LMBR1: variants seen among roughly 807,000 people sequenced by gnomAD.
LMBR1 encodes limb region 1 protein homolog.
A neutral mutation model predicts 73.9 loss-of-function variants in LMBR1; 52 were observed. The ratio of observed to expected loss-of-function variants is 0.70; its 90% CI spans 0.56 to 0.89. The LOEUF is 0.89. Ranked by LOEUF, LMBR1 falls within the 40% of genes least tolerant of loss-of-function variation. The probability of loss-of-function intolerance (pLI) is 0.00; values close to 1 mark genes in which losing one functional copy is unlikely to be tolerated. For missense variants in LMBR1, 539 were observed against 579.8 expected (o/e 0.93, Z 0.72); for synonymous variants, 215 against 209.4 (o/e 1.03, Z -0.23).
intron 4 of LMBR1, among the ~76,000 whole-genome samples, chr7:156,804,769 C>T (rs1831691340): frequency 2.6e-5 from 4 of 151,868 alleles, no homozygotes; most frequent in Admixed American, 6.6e-5. Flanking sequence ...TGTGATTTGT[C>T]AATATTTTCT....
chr7:156,731,337 G>A (rs1198533241), intron 10 of LMBR1, among the ~76,000 whole-genome samples: 1 of 152,114 alleles, frequency 6.6e-6, no homozygotes, highest in Non-Finnish European at 1.5e-5. Flanking sequence ...AGAGAATGGA[G>A]CAGAAGCAAT....
Position 156,682,402 on chromosome 7 carries a change from T to G in LMBR1, c.*1676A>C, listed in dbSNP as rs1446400790. 1 of 152,214 alleles carries G rather than the reference T, an allele frequency of 6.6e-6. No individual in the cohort carries two copies. Among genetic ancestry groups the G allele is most frequent in the Non-Finnish European group, 1.5e-5 (1 of 68,044 alleles). 9.4% of individuals were successfully genotyped at this position (152,214 alleles called of 1,614,324 possible). On this transcript the variant is annotated 3_prime_UTR_variant, in exon 17 of 17. Transcript: ENST00000353442. The stretch of plus-strand genomic sequence containing the variant: ...TTCACTAAAAATCAAACCTGGCAAT[T>G]AATACTTCAATAGGCATAACAATGA...
At chr7:156,886,739 C>A (rs1801971730) in intron 1 of LMBR1, among the ~76,000 whole-genome samples, 1 of 152,168 alleles carries the variant, frequency 6.6e-6, no homozygotes. Context: ...CAGTTAGAAC[C>A]AGTTTATTCT....
chr7:156,739,581 A>G (rs1046592158), intron 9 of LMBR1, among the ~76,000 whole-genome samples: 1 of 152,212 alleles, frequency 6.6e-6, no homozygotes, highest in African/African-American at 2.4e-5. Flanking sequence ...ACTCAGCTCT[A>G]GGAAGCTCAG....
chr7:156,768,837 T>C lies in LMBR1; in HGVS notation c.424-5042A>G, dbSNP rs534821838. 5.3e-5 allele frequency among the ~76,000 whole-genome samples: 8 copies of C among 152,058 alleles called. 1 individual carries two copies. Among genetic ancestry groups the C allele is most frequent in the Admixed American group, 2.6e-4 (4 of 15,274 alleles). The stretch of plus-strand genomic sequence containing the variant: ...CTAGAGAGTCACATGGCCCCACAGG[T>C]TGGGTAATCCATTTCAACAAGAGCT... On this transcript the variant is annotated intron_variant, in intron 5 of 16. Transcript: ENST00000353442.
intron 9 of LMBR1, among the ~76,000 whole-genome samples, chr7:156,747,245 A>G (rs1820009840): frequency 1.3e-5 from 2 of 152,126 alleles, no homozygotes; most frequent in Admixed American, 1.3e-4. Flanking sequence ...AATAACTTTG[A>G]TCAAGTAAGT....
At chr7:156,751,533 C>A (rs1162407211) in intron 9 of LMBR1, among the ~76,000 whole-genome samples, 1 of 152,148 alleles carries the variant, frequency 6.6e-6, no homozygotes. Flanking sequence ...GAAGATCTGA[C>A]TCATATTGTC....
At chr7:156,708,108 A>C (rs1300893327) in intron 15 of LMBR1, among the ~76,000 whole-genome samples, 1 of 152,142 alleles carries the variant, frequency 6.6e-6, no homozygotes, top group East Asian at 1.9e-4. Context: ...AGCCAGAAAA[A>C]AAAAATTGGA....
intron 4 of LMBR1, among the ~76,000 whole-genome samples, chr7:156,811,906 T>C (rs6459708): frequency 0.94 from 142,991 of 152,254 alleles, 67,245 homozygotes; most frequent in East Asian, 1. Flanking sequence ...CTACTATCTG[T>C]GGGTGGCTGC....
downstream of LMBR1, chr7:156,675,856 A>C: frequency 6.2e-7 from 1 of 1,613,294 alleles, no homozygotes; most frequent in Non-Finnish European, 8.5e-7. Context: ...GAGAAAATCC[A>C]AGTGCAGGTA....
intron 9 of LMBR1, among the ~76,000 whole-genome samples, chr7:156,734,583 A>G (rs115174914): frequency 0.012 from 1,775 of 152,264 alleles, 29 homozygotes; most frequent in African/African-American, 0.041. Context: ...AAAATCTCAG[A>G]TCACACCACT....
intron 5 of LMBR1, among the ~76,000 whole-genome samples, chr7:156,785,398 A>G (rs760256020): frequency 5.3e-5 from 8 of 152,240 alleles, no homozygotes; most frequent in Non-Finnish European, 1.0e-4. Context: ...CTAAACAGTA[A>G]AAGTAACCAA....
rs998374761 is a variant in LMBR1 at position 156,678,639 on chromosome 7, G to C, written c.*5439C>G. On this transcript the variant is annotated 3_prime_UTR_variant, in exon 17 of 17. Coordinates refer to ENST00000353442, the MANE Select transcript of LMBR1 (RefSeq NM_022458.4). ...GGGGCCTTTGGAAACATGAGTTCAT[G>C]GGAGGACTCAGCGGACAGGGAGAGC... 29 of 152,138 alleles carry C rather than the reference G, an allele frequency of 1.9e-4. No individual in the cohort carries two copies. Among genetic ancestry groups the C allele is most frequent in the African/African-American group, 6.5e-4 (27 of 41,418 alleles). The allele number at this position is 152,138 out of a possible 1,614,324, so 9.4% of individuals were successfully genotyped here. A position where few individuals can be genotyped will look rare whatever the true frequency, so the allele number is the denominator to read the frequency against.
At chr7:156,780,478 T>C (rs1369415933) in intron 5 of LMBR1, among the ~76,000 whole-genome samples, 1 of 152,170 alleles carries the variant, frequency 6.6e-6, no homozygotes. Flanking sequence ...CTATGGTAAC[T>C]AGATATCAAA....
intron 1 of LMBR1, among the ~76,000 whole-genome samples, chr7:156,881,197 C>T (rs1048380292): frequency 2.0e-5 from 3 of 152,122 alleles, no homozygotes; most frequent in Non-Finnish European, 4.4e-5. Flanking sequence ...CATTTATGTA[C>T]AGTCACCTGA....
chr7:156,734,700 T>G (rs1817526582), intron 9 of LMBR1, among the ~76,000 whole-genome samples: 1 of 152,156 alleles, frequency 6.6e-6, no homozygotes, highest in South Asian at 2.1e-4. Context: ...CGTGGTAAAG[T>G]TCTAATTTGA....
At chr7:156,803,218 T>C (rs1390583920) in intron 4 of LMBR1, among the ~76,000 whole-genome samples, 1 of 151,928 alleles carries the variant, frequency 6.6e-6, no homozygotes, top group Non-Finnish European at 1.5e-5. Flanking sequence ...ACAGGCAACT[T>C]ACAAAATGGG....
intron 4 of LMBR1, among the ~76,000 whole-genome samples, chr7:156,812,931 G>A (rs537152522): frequency 6.6e-6 from 1 of 152,172 alleles, no homozygotes; most frequent in Admixed American, 6.5e-5. Context: ...TTCTCTCAAG[G>A]CAGCACCTTG....
At chr7:156,825,532 CAACT>C (rs1486714605) in intron 4 of LMBR1, among the ~76,000 whole-genome samples, 10 of 151,972 alleles carry the variant, frequency 6.6e-5, no homozygotes, top group Non-Finnish European at 1.5e-4. Context: ...ATATATACAC[CAACT>C]ATGTACTCAC....
Sources: gnomAD v4.1 joint callset for allele counts (sites outside exome capture counted in the v4.1 genomes callset) on GRCh38, gnomAD v4.1.1 for gene constraint, MANE v1.5 for transcripts, NCBI Gene and HGNC (gene_info 2026-07-23, HGNC 2026-07-21) for gene names.